DICER1: variants seen among roughly 807,000 people sequenced by gnomAD.
DICER1 encodes dicer 1, ribonuclease III.
A neutral mutation model predicts 194.1 loss-of-function variants in DICER1; 43 were observed. The ratio of observed to expected loss-of-function variants is 0.22; its 90% CI spans 0.17 to 0.29. The LOEUF (loss-of-function observed/expected upper bound fraction) is 0.29, where lower values mean the gene tolerates loss of function less well. Ranked by LOEUF, DICER1 falls within the 10% of genes least tolerant of loss-of-function variation. The pLI is 1.00. For synonymous variants in DICER1, 832 were observed against 820.5 expected (o/e 1.01, Z -0.24); for missense variants, 1,608 against 2,317.0 (o/e 0.69, Z 6.28).
Position 95,116,702 on chromosome 14 carries a change from A to G in DICER1, c.1510-7T>C, listed in dbSNP as rs1222162167. 5.6e-6 allele frequency: 9 copies of G among 1,613,516 alleles called. No individual in the cohort carries two copies. In the South Asian group the frequency reaches 9.9e-5, roughly 18 times the overall value. ...CTCGAAATTTCCTAAGTACCTGAAA[A>G]AAAAAATCCACCAAGAAAAGCACTT... On this transcript the variant is annotated splice_region_variant and splice_polypyrimidine_tract_variant and intron_variant, in intron 9 of 26. Transcript: ENST00000343455.
In DICER1 at chr14:95,116,537, G is replaced by C. The variant is rs1595411049; in HGVS notation, c.1668C>G (p.Pro556=). Residue 556 remains proline (P), a synonymous_variant, in exon 10 of 27, where the codon CCC becomes CCG. Transcript: ENST00000343455. ...CCGCTAACATTATATAATTAGAGAT[G>C]GGTGCCCTTGCTCTTCCTTTAGATT... ...YVQSKGRARA[P]ISNYIMLADT... The C allele has an allele frequency of 6.2e-7, 1 of 1,613,856 alleles. No homozygotes were observed. Among genetic ancestry groups the C allele is most frequent in the East Asian group, 2.2e-5 (1 of 44,860 alleles).
At chr14:95,134,828 G>A (rs765873110) in intron 1 of DICER1, among the ~76,000 whole-genome samples, 5 of 152,178 alleles carry the variant, frequency 3.3e-5, no homozygotes, top group Non-Finnish European at 7.3e-5. Context: ...GGGAACAAGC[G>A]AAGTACCACA....
chr14:95,140,155 T>C (rs144043244), intron 1 of DICER1, among the ~76,000 whole-genome samples: 109 of 152,334 alleles, frequency 7.2e-4, no homozygotes, highest in African/African-American at 2.5e-3. Flanking sequence ...TTTTCAACTA[T>C]AGATTTTAAA....
intron 22 of DICER1, among the ~76,000 whole-genome samples, chr14:95,099,025 A>T (rs1890616208): frequency 6.6e-6 from 1 of 152,224 alleles, no homozygotes; most frequent in East Asian, 1.9e-4. Flanking sequence ...CCTGAGGTAA[A>T]AATGAAGTAA....
intron 1 of DICER1, among the ~76,000 whole-genome samples, chr14:95,149,208 A>ATAT (rs1181972472): frequency 6.6e-6 from 1 of 152,250 alleles, no homozygotes; most frequent in Admixed American, 6.5e-5. Context: ...GTTTTAAGAT[A>ATAT]TATAACATGA....
At chr14:95,131,421 AT>A in intron 4 of DICER1, 87 bp downstream of exon 4, 1 of 1,329,504 alleles carries the variant, frequency 7.5e-7, no homozygotes, top group Admixed American at 1.7e-5. Context: ...TCAAACCTAA[AT>A]CAGACAACCA....
intron 1 of DICER1, among the ~76,000 whole-genome samples, chr14:95,150,900 G>A (rs934884811): frequency 6.6e-6 from 1 of 152,162 alleles, no homozygotes; most frequent in Non-Finnish European, 1.5e-5. Context: ...GTCTCGCTCT[G>A]TTGCCCAGAC....
intron 13 of DICER1, among the ~76,000 whole-genome samples, 156 bp from the exon 14 acceptor site, chr14:95,111,612 C>T (rs568238647): frequency 7.0e-4 from 106 of 152,160 alleles, no homozygotes; most frequent in Non-Finnish European, 1.4e-3. Context: ...ATTCACACTT[C>T]AGGCAAAGTC....
chr14:95,112,987 T>C lies in DICER1; in HGVS notation c.2040+105A>G, dbSNP rs193037099. Reference sequence around the variant, plus strand: ...CAAGGCTCCTGCTCATGAAAGTAGATTTTAAAATCAAATTTACCTATAACT... The same window carrying C: ...CAAGGCTCCTGCTCATGAAAGTAGACTTTAAAATCAAATTTACCTATAACT... On this transcript the variant is annotated intron_variant, in intron 12 of 26. Transcript: ENST00000343455. 1.3e-4 allele frequency: 170 copies of C among 1,276,208 alleles called. 1 individual carries two copies. The East Asian group carries it at 3.8e-3, about 29-fold the overall frequency. The allele number at this position is 1,276,208 out of a possible 1,614,324, so 79.1% of individuals were successfully genotyped here.
intron 14 of DICER1, among the ~76,000 whole-genome samples, chr14:95,110,760 C>T (rs1891885041): frequency 6.6e-6 from 1 of 152,126 alleles, no homozygotes; most frequent in Non-Finnish European, 1.5e-5. Flanking sequence ...TTTAGAGATG[C>T]TTTCATGTGT....
chr14:95,099,965 C>A, intron 21 of DICER1, 30 bp from the exon 22 acceptor site: 1 of 1,612,140 alleles, frequency 6.2e-7, no homozygotes, highest in South Asian at 1.1e-5. Context: ...GATACTTATC[C>A]ATAAATGATC....
intron 12 of DICER1, among the ~76,000 whole-genome samples, chr14:95,112,671 T>C (rs1047211892): frequency 3.9e-5 from 6 of 152,214 alleles, no homozygotes; most frequent in Non-Finnish European, 8.8e-5. Context: ...GAACAGTATT[T>C]ACAAAAAGCA....
chr14:95,126,881 G>A (rs1458359537), intron 6 of DICER1, 133 bp from the exon 7 acceptor site: 1 of 639,544 alleles, frequency 1.6e-6, no homozygotes, highest in Non-Finnish European at 2.7e-6. Context: ...AATGTTAGCA[G>A]TGGGGTGAGA....
At chr14:95,118,007 C>T (rs975703021) in intron 8 of DICER1, among the ~76,000 whole-genome samples, 2 of 152,132 alleles carry the variant, frequency 1.3e-5, no homozygotes, top group Admixed American at 1.3e-4. Context: ...GTCACGTTAC[C>T]TCCAACAGCT....
At chr14:95,122,650 ACT>A (rs1460531589) in intron 8 of DICER1, among the ~76,000 whole-genome samples, 1 of 151,824 alleles carries the variant, frequency 6.6e-6, no homozygotes, top group Non-Finnish European at 1.5e-5. Flanking sequence ...ACAGCAAATC[ACT>A]CTCTCTCCTG....
At chr14:95,151,437 A>C (rs920489158) in intron 1 of DICER1, among the ~76,000 whole-genome samples, 1 of 152,220 alleles carries the variant, frequency 6.6e-6, no homozygotes, top group African/African-American at 2.4e-5. Context: ...TTAAAAGAAA[A>C]ATATTACATT....
intron 24 of DICER1, among the ~76,000 whole-genome samples, chr14:95,091,767 T>C (rs1227894687): frequency 6.6e-6 from 1 of 152,202 alleles, no homozygotes; most frequent in African/African-American, 2.4e-5. Flanking sequence ...TCAATAGTAC[T>C]AATTGGTCTG....
chr14:95,126,606 T>C lies in DICER1; in HGVS notation c.877A>G (p.Arg293Gly), dbSNP rs878855277. The C allele has an allele frequency of 1.0e-5, 16 of 1,542,136 alleles. No homozygotes were observed. The highest frequency in any genetic ancestry group is 1.3e-5 in the Non-Finnish European group (15 of 1,114,942). The change falls in exon 7 of 27, where the codon AGA becomes GGA. Residue 293 changes from arginine to glycine, a missense_variant. Physicochemically the swap from Arg to Gly is moderately radical, Grantham distance 125. Transcript: ENST00000343455. ...DCNISVHSKE[R>G]DSTLISKQIL... is the part of the protein sequence containing the mutation. ...TGTTTCGAAATTAAAGTAGAATCTC[T>C]TTCTTTTGAATGTACAGATATATTA...
At position 95,126,576 on chromosome 14, in the gene DICER1, T is replaced by A. The variant is rs1420836242; in HGVS notation, c.903+4A>T. 6.7e-7 allele frequency: 1 copy of A among 1,486,070 alleles called. No homozygotes were observed. Among genetic ancestry groups the A allele is most frequent in the African/African-American group, 1.4e-5 (1 of 72,214 alleles). The allele number at this position is 1,486,070 out of a possible 1,614,324, so 92.1% of individuals were successfully genotyped here. A position where few individuals can be genotyped will look rare whatever the true frequency, so the allele number is the denominator to read the frequency against. The stretch of plus-strand genomic sequence containing the variant: ...ATCACTATACCTACTTGGTATATGC[T>A]TACCTGTTTCGAAATTAAAGTAGAA... On this transcript the variant is annotated splice_donor_region_variant and intron_variant, in intron 7 of 26. Transcript: ENST00000343455.
Sources: gnomAD v4.1 joint callset for allele counts (sites outside exome capture counted in the v4.1 genomes callset) on GRCh38, gnomAD v4.1.1 for gene constraint, MANE v1.5 for transcripts, NCBI Gene and HGNC (gene_info 2026-07-23, HGNC 2026-07-21) for gene names.